MYH10: variants seen among roughly 807,000 people sequenced by gnomAD.
The protein encoded by MYH10 is myosin-10.
MYH10 carries 55 observed loss-of-function variants against 257.8 expected under a neutral mutation model. The observed-to-expected ratio is 0.21, with a 90% CI of 0.17 to 0.27. The LOEUF (loss-of-function observed/expected upper bound fraction) is 0.27. MYH10 is among the 10% of genes least tolerant of loss of function. MYH10 has a pLI of 1.00. For missense variants in MYH10, 1,631 were observed against 2,500.6 expected, an observed-to-expected ratio of 0.65 and a Z score of 7.42; for synonymous variants, 854 against 921.7, an observed-to-expected ratio of 0.93 and a Z score of 1.33.
In MYH10 at chr17:8,535,323, T is replaced by C. The variant is rs1021202190; in HGVS notation, c.1894+64A>G. 8.0e-7 allele frequency: 1 copy of C among 1,254,110 alleles called. No homozygotes were observed. The highest frequency in any genetic ancestry group is 1.5e-5 in the African/African-American group (1 of 66,682). 77.7% of individuals were successfully genotyped at this position (1,254,110 alleles called of 1,614,324 possible). Reference sequence around the variant, plus strand: ...TATCCATATATATGTAAAAGAACCATCTATAAACCTTAATTATAAAAGATT... The same window carrying C: ...TATCCATATATATGTAAAAGAACCACCTATAAACCTTAATTATAAAAGATT... On this transcript the variant is annotated intron_variant, in intron 16 of 42. Coordinates refer to ENST00000360416, the MANE Select transcript of MYH10 (RefSeq NM_001256012.3). The surrounding 1 kb of genome is among the most constrained non-coding windows in gnomAD (Gnocchi z 4.3).
rs1597678571 is a variant in MYH10 at position 8,506,563 on chromosome 17, G to A, written c.3215-74C>T. 2 of 1,475,872 alleles carry A rather than the reference G, an allele frequency of 1.4e-6. No homozygotes were observed. Among genetic ancestry groups the A allele is most frequent in the Non-Finnish European group, 1.8e-6 (2 of 1,086,394 alleles). 91.4% of individuals were successfully genotyped at this position (1,475,872 alleles called of 1,614,324 possible). ...ACAGGAATAAACTAAAATACAGACT[G>A]ATCCAAGTTGAAAATAAGCCATTTT... On this transcript the variant is annotated intron_variant, in intron 26 of 42. Coordinates refer to ENST00000360416, the MANE Select transcript of MYH10 (RefSeq NM_001256012.3). This position sits in a 1 kb window ranked among gnomAD's most constrained non-coding sequence, Gnocchi z 5.0.
In MYH10 at chr17:8,487,460, C is replaced by T; in HGVS notation, c.5019G>A (p.Glu1673=). ...GGAGCTTGCGGAGCTGCTTAATCAC[C>T]TCATCCCGAGCTTTGTTCGCAGCCT... is the stretch of plus-strand genomic sequence containing the variant. ...QIEAANKARD[E]VIKQLRKLQA... Residue 1673 remains glutamate (E), a synonymous_variant, in exon 36 of 43, where the codon GAG becomes GAA. Coordinates refer to ENST00000360416, the MANE Select transcript of MYH10 (RefSeq NM_001256012.3). The T allele has an allele frequency of 3.1e-6, 5 of 1,614,222 alleles. No homozygotes were observed. The highest frequency in any genetic ancestry group is 4.2e-6 in the Non-Finnish European group (5 of 1,180,052).
intron 35 of MYH10, among the ~76,000 whole-genome samples, chr17:8,489,708 A>ACACACACAC (rs1555570829): frequency 0.034 from 3,162 of 93,082 alleles, 137 homozygotes; most frequent in Admixed American, 0.045. Flanking sequence ...CGTCTGAAAA[A>ACACACACAC]ACACACACAC....
At chr17:8,608,374 TCA>T (rs2084892216) in intron 2 of MYH10, among the ~76,000 whole-genome samples, 1 of 152,184 alleles carries the variant, frequency 6.6e-6, no homozygotes, top group African/African-American at 2.4e-5. Context: ...GGCCGGGACT[TCA>T]CAGTGCTCAG....
intron 30 of MYH10, among the ~76,000 whole-genome samples, chr17:8,496,472 C>T (rs1273420064): frequency 6.6e-6 from 1 of 152,176 alleles, no homozygotes; most frequent in Non-Finnish European, 1.5e-5. Flanking sequence ...GGGCAAGAGC[C>T]TTAGCTTCTT....
chr17:8,542,615 TATAA>T (rs2082320401), intron 13 of MYH10, among the ~76,000 whole-genome samples: 1 of 152,194 alleles, frequency 6.6e-6, no homozygotes, highest in Admixed American at 6.5e-5. Context: ...GGTTAAGGAC[TATAA>T]ATAAATAAAT....
At chr17:8,595,808 G>T (rs2084346461) in intron 3 of MYH10, among the ~76,000 whole-genome samples, 1 of 151,972 alleles carries the variant, frequency 6.6e-6, no homozygotes, top group African/African-American at 2.4e-5. Flanking sequence ...AGGAGGGATA[G>T]TTCCTACTGT....
At chr17:8,544,159 C>T (rs2082376118) in intron 13 of MYH10, among the ~76,000 whole-genome samples, 1 of 152,094 alleles carries the variant, frequency 6.6e-6, no homozygotes, top group African/African-American at 2.4e-5. Context: ...TAAAGGTGGG[C>T]ATTTAGGCTT....
chr17:8,549,856 G>A (rs1280858858), intron 9 of MYH10, among the ~76,000 whole-genome samples: 3 of 150,610 alleles, frequency 2.0e-5, no homozygotes, highest in African/African-American at 7.3e-5. Flanking sequence ...GCGCCGCCAC[G>A]CCTGACTGGT....
chr17:8,491,865 CAAAG>C (rs367774688), intron 34 of MYH10, among the ~76,000 whole-genome samples: 2 of 152,166 alleles, frequency 1.3e-5, no homozygotes, highest in Non-Finnish European at 2.9e-5. Flanking sequence ...CTGAAGCTCT[CAAAG>C]AAAACAGTGG....
Position 8,506,583 on chromosome 17 carries a change from C to T in MYH10, c.3215-94G>A. Reference sequence around the variant, plus strand: ...AGACTGATCCAAGTTGAAAATAAGCCATTTTATTCAAAAGCATGTCACTGC... The same window carrying T: ...AGACTGATCCAAGTTGAAAATAAGCTATTTTATTCAAAAGCATGTCACTGC... On this transcript the variant is annotated intron_variant, in intron 26 of 42. Coordinates refer to ENST00000360416, the MANE Select transcript of MYH10 (RefSeq NM_001256012.3). The surrounding 1 kb of genome is among the most constrained non-coding windows in gnomAD (Gnocchi z 5.0). The T allele has an allele frequency of 1.5e-6, 2 of 1,347,346 alleles. No individual in the cohort carries two copies. The highest frequency in any genetic ancestry group is 1.3e-5 in the South Asian group (1 of 75,424). 83.5% of individuals were successfully genotyped at this position (1,347,346 alleles called of 1,614,324 possible).
At chr17:8,476,418 C>T (rs113881142) in intron 42 of MYH10, among the ~76,000 whole-genome samples, 1,566 of 152,344 alleles carry the variant, frequency 0.01, 32 homozygotes, top group African/African-American at 0.035. Flanking sequence ...CTGAAACCTC[C>T]GCCGACCTGG....
At chr17:8,497,322 C>T (rs7225733) in intron 30 of MYH10, among the ~76,000 whole-genome samples, 80,577 of 151,982 alleles carry the variant, frequency 0.53, 21,669 homozygotes, top group Middle Eastern at 0.62. Flanking sequence ...AAGGACTCAT[C>T]GACTATATTG....
chr17:8,605,016 A>G, intron 2 of MYH10, 34 bp from the exon 3 acceptor site: 1 of 1,210,772 alleles, frequency 8.3e-7, no homozygotes, highest in Non-Finnish European at 1.1e-6. Flanking sequence ...ATTAAAAAAA[A>G]AACCTCTGCA....
In MYH10 at chr17:8,552,009, C is replaced by T. The variant is rs1164570868; in HGVS notation, c.919+37G>A. On this transcript the variant is annotated intron_variant, in intron 9 of 42. Transcript: ENST00000360416. The surrounding 1 kb of genome is among the most constrained non-coding windows in gnomAD (Gnocchi z 4.8). ...CAAAAAAAAATTAAAAGAGATATTC[C>T]AGTGAATATAAAATAGTAAAAACCT... 7 of 1,143,784 alleles carry T rather than the reference C, an allele frequency of 6.1e-6. No individual in the cohort carries two copies. The highest frequency in any genetic ancestry group is 8.5e-6 in the Non-Finnish European group (7 of 826,064). 70.9% of individuals were successfully genotyped at this position (1,143,784 alleles called of 1,614,324 possible).
Position 8,518,926 on chromosome 17 carries a change from A to G in MYH10, c.2298T>C (p.Ala766=), listed in dbSNP as rs746230831. ...TACCATCCATAAAACCTTTAGGAAT[A>G]GCATTTGGAGTTAGGATCTCATATC... ...RQRYEILTPN[A]IPKGFMDGKQ... The change falls in exon 20 of 43, where the codon GCT becomes GCC. Residue 766 remains alanine (A), a synonymous_variant. Transcript: ENST00000360416. 1.2e-6 allele frequency: 2 copies of G among 1,607,328 alleles called. No individual in the cohort carries two copies. Among genetic ancestry groups the G allele is most frequent in the East Asian group, 2.2e-5 (1 of 44,836 alleles).
chr17:8,494,167 C>T (rs571966401), intron 31 of MYH10, among the ~76,000 whole-genome samples: 2 of 152,182 alleles, frequency 1.3e-5, no homozygotes, highest in South Asian at 2.1e-4. Flanking sequence ...TCCCCTCCTG[C>T]GTCCCCCACC....
At chr17:8,487,617 G>C (rs2151802859) in intron 35 of MYH10, 23 bp from the exon 36 acceptor site, 1 of 1,613,728 alleles carries the variant, frequency 6.2e-7, no homozygotes, top group South Asian at 1.1e-5. Context: ...ATCGGGTTAT[G>C]CTGGGTTACA....
chr17:8,489,082 ATC>A (rs1915337107), intron 35 of MYH10, among the ~76,000 whole-genome samples: 1 of 151,930 alleles, frequency 6.6e-6, no homozygotes, highest in African/African-American at 2.4e-5. Context: ...TTTCTTTTGG[ATC>A]TCTCACTCTC....
Sources: gnomAD v4.1 joint callset for allele counts (sites outside exome capture counted in the v4.1 genomes callset) on GRCh38, gnomAD v4.1.1 for gene constraint, Gnocchi (gnomAD v3.1) non-coding constraint, MANE v1.5 for transcripts, NCBI Gene and HGNC (gene_info 2026-07-23, HGNC 2026-07-21) for gene names.